Variants in UBE2T observed in about 807,000 individuals in gnomAD.
UBE2T encodes the protein ubiquitin conjugating enzyme E2 T, also known as ubiquitin-conjugating enzyme E2 T.
In UBE2T, 15 loss-of-function variants were observed where a neutral mutation model predicts 23.3. The ratio of observed to expected loss-of-function variants is 0.64; its 90% CI spans 0.43 to 0.99. UBE2T has a LOEUF of 0.99. Among genes scored for constraint, UBE2T ranks in the 50% least tolerant of loss-of-function variants. The probability of loss-of-function intolerance (pLI) is 0.00; values close to 1 mark genes in which losing one functional copy is unlikely to be tolerated. For synonymous variants in UBE2T, 67 were observed against 78.4 expected (o/e 0.85, Z 0.77); for missense variants, 197 against 234.9 (o/e 0.84, Z 1.05).
chr1:202,339,599 C>G, intron 1 of UBE2T, among the ~76,000 whole-genome samples: 1 of 79,052 alleles, frequency 1.3e-5, no homozygotes, highest in Admixed American at 1.3e-4. Context: ...GACTCTGTCT[C>G]AAAAAAAAAA....
At chr1:202,332,929 A>AAAAAAAAAAAAAAAAAAAC (rs1558100015) in intron 6 of UBE2T, 81 bp downstream of exon 6, 4 of 459,006 alleles carry the variant, frequency 8.7e-6, no homozygotes, top group African/African-American at 2.4e-5. Context: ...AAAAAAAAAA[A>AAAAAAAAAAAAAAAAAAAC]AAAAAAAAAA....
chr1:202,332,843 G>A (rs895892125), intron 6 of UBE2T, among the ~76,000 whole-genome samples, 167 bp downstream of exon 6: 2 of 137,852 alleles, frequency 1.5e-5, no homozygotes, highest in African/African-American at 5.5e-5. Flanking sequence ...GGGAGGCGGA[G>A]CTTGCAGTGA....
chr1:202,336,177 G>A (rs1470546241), intron 1 of UBE2T, among the ~76,000 whole-genome samples: 3 of 149,418 alleles, frequency 2.0e-5, no homozygotes, highest in Non-Finnish European at 3.0e-5. Flanking sequence ...CTCCCAAAGT[G>A]CTGGGATTAC....
intron 1 of UBE2T, among the ~76,000 whole-genome samples, chr1:202,337,359 CTTTACA>C (rs1654911545): frequency 6.6e-6 from 1 of 152,196 alleles, no homozygotes; most frequent in Non-Finnish European, 1.5e-5. Context: ...AAATCTCTTT[CTTTACA>C]TTTATACTTT....
intron 6 of UBE2T, 80 bp downstream of exon 6, chr1:202,332,930 A>G (rs950381854): frequency 2.1e-6 from 1 of 476,238 alleles, no homozygotes; most frequent in Non-Finnish European, 3.0e-6. Context: ...AAAAAAAAAA[A>G]AAAAAAAAAA....
rs774320082 is a variant in UBE2T, at chr1:202,333,034, C to T, written c.444G>A (p.Glu148=). 3.1e-6 allele frequency: 5 copies of T among 1,604,764 alleles called. No individual in the cohort carries two copies. The East Asian group carries it at 9.0e-5, about 29-fold the overall frequency. The part of the protein sequence containing the change: ...AFLKNARQWT[E]KHARQKQKAD... ...CCTTTTGTTTCTGTCTTGCATGCTT[C>T]TCTGTCCACTGTCTGGCATTCTTGA... Residue 148 remains glutamate, a synonymous_variant, in exon 6 of 7, where the codon GAG becomes GAA. Coordinates refer to ENST00000646651, the MANE Select transcript of UBE2T (RefSeq NM_014176.4).
intron 1 of UBE2T, among the ~76,000 whole-genome samples, chr1:202,336,418 A>G (rs986452167): frequency 3.3e-5 from 5 of 152,034 alleles, no homozygotes; most frequent in Non-Finnish European, 1.5e-5. Flanking sequence ...TATTCTGACA[A>G]GGGAATCTGA....
chr1:202,340,822 C>A (rs1410227630), intron 1 of UBE2T, among the ~76,000 whole-genome samples: 1 of 152,224 alleles, frequency 6.6e-6, no homozygotes, highest in Non-Finnish European at 1.5e-5. Context: ...AAGGAAGCAA[C>A]CAGACTCCAG....
Position 202,331,766 on chromosome 1 carries a change from A to G in UBE2T, c.*69T>C. The stretch of plus-strand genomic sequence containing the variant: ...TGTCATCAAATATATTTAAAAAAAA[A>G]TTCAAGGTAGGCAACTTAGATCACC... On this transcript the variant is annotated 3_prime_UTR_variant, in exon 7 of 7. Transcript: ENST00000646651. 6.3e-7 allele frequency: 1 copy of G among 1,575,684 alleles called. No individual in the cohort carries two copies. The highest frequency in any genetic ancestry group is 8.6e-7 in the Non-Finnish European group (1 of 1,161,122).
Position 202,332,088 on chromosome 1 carries a change from G to A in UBE2T, c.469-128C>T, listed in dbSNP as rs530856639. 1,586 of 1,159,264 alleles carry A rather than the reference G, an allele frequency of 1.4e-3. 3 individuals are homozygous for A. Among genetic ancestry groups the A allele is most frequent in the Non-Finnish European group, 1.4e-3 (1,216 of 858,230 alleles). The allele number at this position is 1,159,264 out of a possible 1,614,324, so 71.8% of individuals were successfully genotyped here. A position where few individuals can be genotyped will look rare whatever the true frequency, so the allele number is the denominator to read the frequency against. ...GATTTAAATACAGTATTATGCATACGATATTCTCTCAAAGACATCTTCCTC... is the reference window on the plus strand; with the variant it reads ...GATTTAAATACAGTATTATGCATACAATATTCTCTCAAAGACATCTTCCTC... On this transcript the variant is annotated intron_variant, in intron 6 of 6. Coordinates refer to ENST00000646651, the MANE Select transcript of UBE2T (RefSeq NM_014176.4).
intron 6 of UBE2T, 99 bp from the exon 7 acceptor site, chr1:202,332,059 G>T: frequency 1.4e-6 from 2 of 1,467,178 alleles, no homozygotes; most frequent in Non-Finnish European, 9.2e-7. Flanking sequence ...CTTCTTTGTT[G>T]CAAGATTTAA....
At chr1:202,341,577 CAAAAAAA>C (rs57598991) in intron 1 of UBE2T, among the ~76,000 whole-genome samples, 2 of 20,302 alleles carry the variant, frequency 9.9e-5, no homozygotes, top group East Asian at 1.9e-3. Context: ...GACTCCGTCT[CAAAAAAA>C]AAAAAAAAAA....
chr1:202,332,974 T>A, intron 6 of UBE2T, 36 bp downstream of exon 6: 1 of 1,032,442 alleles, frequency 9.7e-7, no homozygotes, highest in Non-Finnish European at 1.5e-6. Flanking sequence ...ATACTATATA[T>A]ACTTAATTAA....
intron 1 of UBE2T, among the ~76,000 whole-genome samples, chr1:202,338,798 G>A (rs1047502759): frequency 2.0e-5 from 3 of 151,854 alleles, no homozygotes; most frequent in East Asian, 1.9e-4. Context: ...ACCTGAGCCC[G>A]GGGAGACTGA....
chr1:202,333,801 C>T (rs754065644), intron 3 of UBE2T, among the ~76,000 whole-genome samples: 2 of 152,134 alleles, frequency 1.3e-5, no homozygotes, highest in Non-Finnish European at 2.9e-5. Context: ...CCTCTAAATA[C>T]TCCAGCATAT....
rs1325942876 is a variant in UBE2T at position 202,335,568 on chromosome 1, G to A, written c.109+78C>T. 2.1e-6 allele frequency: 3 copies of A among 1,413,874 alleles called. No individual in the cohort carries two copies. The highest frequency in any genetic ancestry group is 3.0e-6 in the Non-Finnish European group (3 of 1,007,802). The allele number at this position is 1,413,874 out of a possible 1,614,324, so 87.6% of individuals were successfully genotyped here. On this transcript the variant is annotated intron_variant, in intron 2 of 6. Coordinates refer to ENST00000646651, the MANE Select transcript of UBE2T (RefSeq NM_014176.4). The surrounding 1 kb of genome is among the most constrained non-coding windows in gnomAD (Gnocchi z 4.0). ...CTTATAACTGCTCCTTACTTTAGAA[G>A]AATACACAAAATGTTTTATTTCAGC...
Position 202,335,214 on chromosome 1 carries a change from C to T in UBE2T, c.110-156G>A, listed in dbSNP as rs1409737467. On this transcript the variant is annotated intron_variant, in intron 2 of 6. Coordinates refer to ENST00000646651, the MANE Select transcript of UBE2T (RefSeq NM_014176.4). The surrounding 1 kb of genome is among the most constrained non-coding windows in gnomAD (Gnocchi z 4.0). ...TAACAAGTCCTCATGCAACACACCA[C>T]AATGCTAATGTACTCAAAAAGTTAA... 1 of 623,908 alleles carries T rather than the reference C, an allele frequency of 1.6e-6. No homozygotes were observed. The highest frequency in any genetic ancestry group is 2.8e-6 in the Non-Finnish European group (1 of 358,832). The allele number at this position is 623,908 out of a possible 1,614,324, so 38.6% of individuals were successfully genotyped here. A position where few individuals can be genotyped will look rare whatever the true frequency, so the allele number is the denominator to read the frequency against.
intron 1 of UBE2T, among the ~76,000 whole-genome samples, chr1:202,339,940 T>G (rs754362395): frequency 1.3e-5 from 2 of 152,178 alleles, no homozygotes; most frequent in Non-Finnish European, 2.9e-5. Flanking sequence ...CCTGGCACAG[T>G]GGCTCACGCC....
Position 202,331,931 on chromosome 1 carries a change from T to A in UBE2T, c.498A>T (p.Leu166=). 1 of 1,614,098 alleles carries A rather than the reference T, an allele frequency of 6.2e-7. No homozygotes were observed. Among genetic ancestry groups the A allele is most frequent in the South Asian group, 1.1e-5 (1 of 91,080 alleles). The change falls in exon 7 of 7, where the codon CTA becomes CTT. Residue 166 remains leucine (L), a synonymous_variant. Coordinates refer to ENST00000646651, the MANE Select transcript of UBE2T (RefSeq NM_014176.4). ...KADEEEMLDN[L]PEAGDSRVHN... is the part of the protein sequence containing the mutation. ...GTACTCTGGAGTCACCAGCCTCTGG[T>A]AGATTATCAAGCATCTCTTCCTCAT...
Sources: allele counts gnomAD v4.1 joint callset (sites outside exome capture counted in the v4.1 genomes callset), GRCh38; gene constraint gnomAD v4.1.1; non-coding constraint Gnocchi (gnomAD v3.1); transcripts MANE v1.5; gene names NCBI Gene and HGNC (gene_info 2026-07-23, HGNC 2026-07-21).